The following TMEM108 variants were observed in gnomAD, a reference collection of about 807,000 sequenced individuals.
TMEM108 encodes the protein transmembrane protein 108, also known as cancer/testis antigen 124.
TMEM108 carries 12 observed loss-of-function variants against 35.1 expected under a neutral mutation model. The ratio of observed to expected loss-of-function variants is 0.34; its 90% CI spans 0.22 to 0.55. The LOEUF (loss-of-function observed/expected upper bound fraction) is 0.55. Among genes scored for constraint, TMEM108 ranks in the 20% least tolerant of loss-of-function variants. The pLI is 0.89. For missense variants in TMEM108, 680 were observed against 753.3 expected (o/e 0.90, Z 1.14); for synonymous variants, 287 against 308.6 (o/e 0.93, Z 0.73).
chr3:133,258,948 T>C (rs1344301916), intron 3 of TMEM108, among the ~76,000 whole-genome samples: 1 of 152,244 alleles, frequency 6.6e-6, no homozygotes, highest in African/African-American at 2.4e-5. Context: ...TAATTGCTTT[T>C]GTTTTAGTAT....
intron 3 of TMEM108, among the ~76,000 whole-genome samples, chr3:133,367,612 C>A (rs546447633): frequency 6.6e-6 from 1 of 152,222 alleles, no homozygotes; most frequent in Non-Finnish European, 1.5e-5. Flanking sequence ...GAGAGCAGGG[C>A]CAGACAGCTT....
At chr3:133,232,143 G>A (rs1463699528) in intron 3 of TMEM108, among the ~76,000 whole-genome samples, 1 of 152,124 alleles carries the variant, frequency 6.6e-6, no homozygotes, top group Admixed American at 6.6e-5. Flanking sequence ...ATGAGTGCTG[G>A]GGTTTGGATA....
intron 3 of TMEM108, among the ~76,000 whole-genome samples, chr3:133,335,426 G>A (rs2071474324): frequency 6.6e-6 from 1 of 152,202 alleles, no homozygotes; most frequent in Non-Finnish European, 1.5e-5. Context: ...GCTTTGGATA[G>A]AGGATTGTTT....
chr3:133,105,523 G>C (rs1449178510), intron 2 of TMEM108, among the ~76,000 whole-genome samples: 1 of 152,138 alleles, frequency 6.6e-6, no homozygotes, highest in Non-Finnish European at 1.5e-5. Context: ...CTTAAAGTCA[G>C]CTCATTAGTA....
At chr3:133,266,300 G>A (rs1946696235) in intron 3 of TMEM108, among the ~76,000 whole-genome samples, 1 of 152,112 alleles carries the variant, frequency 6.6e-6, no homozygotes, top group South Asian at 2.1e-4. Context: ...ATCAATATTG[G>A]TATGAAAAGT....
chr3:133,390,443 G>A, intron 5 of TMEM108, 109 bp downstream of exon 5: 1 of 1,239,742 alleles, frequency 8.1e-7, no homozygotes, highest in Non-Finnish European at 1.1e-6. Context: ...ATGGCCCATG[G>A]ACCAGCAGTA....
chr3:133,221,660 CTTTT>C (rs3078806), intron 2 of TMEM108, among the ~76,000 whole-genome samples: 45 of 60,350 alleles, frequency 7.5e-4, no homozygotes, highest in African/African-American at 2.6e-3. Flanking sequence ...ACATTGATTC[CTTTT>C]TTTTTTTTTT....
chr3:133,132,031 G>A (rs901558225), intron 2 of TMEM108, among the ~76,000 whole-genome samples: 1 of 152,160 alleles, frequency 6.6e-6, no homozygotes, highest in Non-Finnish European at 1.5e-5. Flanking sequence ...GGCTGAGAGA[G>A]GTGAAGAAGC....
At chr3:133,236,576 T>C (rs1285938831) in intron 3 of TMEM108, among the ~76,000 whole-genome samples, 1 of 152,062 alleles carries the variant, frequency 6.6e-6, no homozygotes. Context: ...AAACCTATTT[T>C]CTGATGGGAT....
chr3:133,396,054 A>C lies in TMEM108; in HGVS notation c.*68A>C. The C allele has an allele frequency of 1.8e-6, 2 of 1,114,234 alleles. No homozygotes were observed. Among genetic ancestry groups the C allele is most frequent in the Non-Finnish European group, 2.3e-6 (2 of 878,642 alleles). 69.0% of individuals were successfully genotyped at this position (1,114,234 alleles called of 1,614,324 possible). A position where few individuals can be genotyped will look rare whatever the true frequency, so the allele number is the denominator to read the frequency against. On this transcript the variant is annotated 3_prime_UTR_variant, in exon 6 of 6. Coordinates refer to ENST00000321871, the MANE Select transcript of TMEM108 (RefSeq NM_023943.4). ...AAATTATAAATATACAAATACATAT[A>C]TTATAAATATAACCTTTGTGTAACC...
chr3:133,060,945 A>G (rs1943527403), intron 2 of TMEM108, among the ~76,000 whole-genome samples: 1 of 152,210 alleles, frequency 6.6e-6, no homozygotes. Flanking sequence ...ACTGTGGAAT[A>G]CCATATGATT....
chr3:133,174,568 G>A (rs906088244), intron 2 of TMEM108, among the ~76,000 whole-genome samples: 22 of 152,214 alleles, frequency 1.4e-4, no homozygotes, highest in African/African-American at 5.3e-4. Flanking sequence ...GGGAAACAGG[G>A]TCTGGAGTGG....
intron 2 of TMEM108, among the ~76,000 whole-genome samples, chr3:133,112,296 T>C (rs1439703914): frequency 6.6e-6 from 1 of 152,158 alleles, no homozygotes; most frequent in African/African-American, 2.4e-5. Flanking sequence ...TGGCAAAATG[T>C]ATCAGTGACC....
chr3:133,196,854 G>A (rs971071296), intron 2 of TMEM108, among the ~76,000 whole-genome samples: 1 of 152,188 alleles, frequency 6.6e-6, no homozygotes, highest in African/African-American at 2.4e-5. Context: ...AAGGGAAGGA[G>A]AACAGGCAAA....
At chr3:133,166,843 T>TA (rs1292653868) in intron 2 of TMEM108, among the ~76,000 whole-genome samples, 1 of 152,192 alleles carries the variant, frequency 6.6e-6, no homozygotes, top group Non-Finnish European at 1.5e-5. Context: ...GCTGCTGGCT[T>TA]AGGCAGCCTG....
intron 3 of TMEM108, among the ~76,000 whole-genome samples, chr3:133,326,672 C>A (rs1338883573): frequency 1.3e-5 from 2 of 152,168 alleles, no homozygotes; most frequent in East Asian, 3.8e-4. Flanking sequence ...GTCTTCCCCA[C>A]TGGACTACAT....
chr3:133,315,264 A>G (rs2071182952), intron 3 of TMEM108, among the ~76,000 whole-genome samples: 1 of 152,250 alleles, frequency 6.6e-6, no homozygotes, highest in South Asian at 2.1e-4. Context: ...CTAAGATCAC[A>G]TAGCAATTGA....
chr3:133,127,577 C>G (rs756786563), intron 2 of TMEM108, among the ~76,000 whole-genome samples: 1 of 152,240 alleles, frequency 6.6e-6, no homozygotes, highest in Non-Finnish European at 1.5e-5. Context: ...ACCCTTGTTC[C>G]TAGATACACC....
At chr3:133,355,658 G>A (rs35785369) in intron 3 of TMEM108, among the ~76,000 whole-genome samples, 23,598 of 152,110 alleles carry the variant, frequency 0.16, 1,955 homozygotes, top group South Asian at 0.22. Context: ...GTTCTACAAC[G>A]GAACAAAGGA....
Sources: gnomAD v4.1 joint callset for allele counts (sites outside exome capture counted in the v4.1 genomes callset) on GRCh38, gnomAD v4.1.1 for gene constraint, MANE v1.5 for transcripts, NCBI Gene and HGNC (gene_info 2026-07-23, HGNC 2026-07-21) for gene names.